The following INPP4B variants were observed in gnomAD, a reference collection of about 807,000 sequenced individuals.
The protein encoded by INPP4B is inositol polyphosphate-4-phosphatase type II B.
A neutral mutation model predicts 122.5 loss-of-function variants in INPP4B; 55 were observed. The observed-to-expected ratio is 0.45, with a 90% CI of 0.36 to 0.56. The LOEUF (loss-of-function observed/expected upper bound fraction) is 0.56, where lower values mean the gene tolerates loss of function less well. Among genes scored for constraint, INPP4B ranks in the 20% least tolerant of loss-of-function variants. The probability of loss-of-function intolerance (pLI) is 0.00; values close to 1 mark genes in which losing one functional copy is unlikely to be tolerated. For missense variants in INPP4B, 1,000 were observed against 1,097.7 expected (o/e 0.91, Z 1.26); for synonymous variants, 403 against 388.7 (o/e 1.04, Z -0.43).
At chr4:142,558,793 T>TA (rs34151070) in intron 2 of INPP4B, among the ~76,000 whole-genome samples, 19,801 of 74,884 alleles carry the variant, frequency 0.26, 4,660 homozygotes, top group Non-Finnish European at 0.37. Context: ...AGACTCCCTC[T>TA]AAAAAAAAAA....
At chr4:142,819,724 C>A (rs573842031) in intron 1 of INPP4B, among the ~76,000 whole-genome samples, 3 of 152,092 alleles carry the variant, frequency 2.0e-5, no homozygotes, top group Non-Finnish European at 2.9e-5. Flanking sequence ...CTGTCCAGAT[C>A]TTTCTTTATG....
rs191944190 is a variant in INPP4B at position 142,399,348 on chromosome 4, C to T, written c.372+3590G>A. ...ACTAGCTGGGATTACAGGCGTGTGC[C>T]ACCACGCCCAGCTAATTTTTGTATT... On this transcript the variant is annotated intron_variant, in intron 7 of 25. Coordinates refer to ENST00000262992, the MANE Select transcript of INPP4B (RefSeq NM_001101669.3). Among the ~76,000 whole-genome samples, 826 of 152,010 alleles carry T rather than the reference C, an allele frequency of 5.4e-3. 7 individuals carry two copies. Among genetic ancestry groups the T allele is most frequent in the African/African-American group, 0.019 (772 of 41,464 alleles).
chr4:142,164,018 CTATTT>C (rs758522885), intron 16 of INPP4B, among the ~76,000 whole-genome samples: 5 of 151,706 alleles, frequency 3.3e-5, no homozygotes, highest in Non-Finnish European at 5.9e-5. Flanking sequence ...TAAGGCAGAT[CTATTT>C]TATTTTTTCA....
At chr4:142,769,617 T>TAAA (rs756627693) in intron 1 of INPP4B, among the ~76,000 whole-genome samples, 1 of 152,134 alleles carries the variant, frequency 6.6e-6, no homozygotes, top group African/African-American at 2.4e-5. Context: ...ATTTTTACTT[T>TAAA]AAAAGTGCAA....
intron 5 of INPP4B, chr4:142,427,437 A>G (rs532336875): frequency 4.6e-6 from 3 of 654,240 alleles, no homozygotes; most frequent in East Asian, 5.5e-5. Flanking sequence ...TATTATGAAT[A>G]AATTCTTGCA....
At chr4:142,508,463 T>A (rs897653362) in intron 2 of INPP4B, among the ~76,000 whole-genome samples, 2 of 152,140 alleles carry the variant, frequency 1.3e-5, no homozygotes, top group African/African-American at 4.8e-5. Context: ...TTAGTACAGA[T>A]GGGTTTTCAC....
chr4:142,843,785 T>G (rs896223173), intron 1 of INPP4B, among the ~76,000 whole-genome samples: 1 of 152,112 alleles, frequency 6.6e-6, no homozygotes, highest in East Asian at 1.9e-4. Flanking sequence ...GTTAGCAGGT[T>G]TTTTTTCTGT....
intron 16 of INPP4B, among the ~76,000 whole-genome samples, chr4:142,161,128 C>T (rs1461382481): frequency 1.3e-5 from 2 of 151,768 alleles, no homozygotes; most frequent in Non-Finnish European, 2.9e-5. Context: ...AAACATCGGG[C>T]CTGTTTTCCT....
chr4:142,430,635 T>C (rs867625333), intron 4 of INPP4B, among the ~76,000 whole-genome samples: 7 of 152,088 alleles, frequency 4.6e-5, no homozygotes, highest in South Asian at 2.1e-4. Context: ...ACAAAACCAA[T>C]TTTAATGTTC....
intron 23 of INPP4B, among the ~76,000 whole-genome samples, chr4:142,094,831 T>C (rs147274699): frequency 2.6e-5 from 4 of 152,320 alleles, no homozygotes; most frequent in African/African-American, 4.8e-5. Flanking sequence ...TCTTACTATA[T>C]AGAATAAGTT....
rs1816663027 is a variant in INPP4B, at chr4:142,461,192, C to T, written c.-127+1471G>A. On this transcript the variant is annotated intron_variant, in intron 3 of 25. Coordinates refer to ENST00000262992, the MANE Select transcript of INPP4B (RefSeq NM_001101669.3). Reference sequence around the variant, plus strand: ...GAGTGACAGAGTGAGATTCATGGAACATAGCTATTTCTTAGAGATCAAATC... The same window carrying T: ...GAGTGACAGAGTGAGATTCATGGAATATAGCTATTTCTTAGAGATCAAATC... Among the ~76,000 whole-genome samples the T allele has an allele frequency of 2.6e-5, 4 of 152,124 alleles. No homozygotes were observed. In the South Asian group the frequency reaches 8.3e-4, roughly 32 times the overall value.
chr4:142,312,772 GCA>G (rs1766020096), intron 8 of INPP4B, among the ~76,000 whole-genome samples: 1 of 152,172 alleles, frequency 6.6e-6, no homozygotes, highest in African/African-American at 2.4e-5. Context: ...CCCATGGTAG[GCA>G]ATTATGCTAT....
intron 2 of INPP4B, among the ~76,000 whole-genome samples, chr4:142,532,226 C>G (rs1390055831): frequency 6.6e-6 from 1 of 152,150 alleles, no homozygotes; most frequent in Non-Finnish European, 1.5e-5. Flanking sequence ...CTGCATATGC[C>G]TGCAGTTGGC....
chr4:142,369,730 C>T (rs956905888), intron 7 of INPP4B, among the ~76,000 whole-genome samples: 7 of 151,598 alleles, frequency 4.6e-5, no homozygotes, highest in South Asian at 2.1e-4. Flanking sequence ...AGTTCGAGAC[C>T]GGCCGGGCCA....
chr4:142,795,450 A>G (rs957199764), intron 1 of INPP4B: 1 of 152,008 alleles, frequency 6.6e-6, no homozygotes, highest in Admixed American at 6.6e-5. Context: ...TGCATATTTT[A>G]TAGTTTTTTG....
At chr4:142,758,883 G>T (rs929816663) in intron 1 of INPP4B, among the ~76,000 whole-genome samples, 2 of 151,468 alleles carry the variant, frequency 1.3e-5, no homozygotes, top group African/African-American at 4.9e-5. Flanking sequence ...AACCCAGATG[G>T]TGGAAGTTGC....
At chr4:142,125,758 T>C (rs72718447) in intron 18 of INPP4B, among the ~76,000 whole-genome samples, 4,398 of 152,196 alleles carry the variant, frequency 0.029, 88 homozygotes, top group Non-Finnish European at 0.044. Context: ...ACTCACACAC[T>C]ACTCACCATT....
At chr4:142,294,856 A>AAAAAAAAAAAAAAAAAAG (rs1561775056) in intron 9 of INPP4B, among the ~76,000 whole-genome samples, 2 of 143,804 alleles carry the variant, frequency 1.4e-5, no homozygotes, top group Admixed American at 7.1e-5. Flanking sequence ...AAAAAAAAAA[A>AAAAAAAAAAAAAAAAAAG]GGCAGACTTA....
chr4:142,376,939 T>C (rs554092493), intron 7 of INPP4B, among the ~76,000 whole-genome samples: 1 of 152,190 alleles, frequency 6.6e-6, no homozygotes, highest in East Asian at 1.9e-4. Context: ...ATTTGTTCTC[T>C]ATTTTATGTA....
Sources: gnomAD v4.1 joint callset for allele counts (sites outside exome capture counted in the v4.1 genomes callset) on GRCh38, gnomAD v4.1.1 for gene constraint, MANE v1.5 for transcripts, NCBI Gene and HGNC (gene_info 2026-07-23, HGNC 2026-07-21) for gene names.